HGF: variants seen among roughly 807,000 people sequenced by gnomAD.
HGF encodes the protein fibroblast-derived tumor cytotoxic factor.
In HGF, 39 loss-of-function variants were observed where a neutral mutation model predicts 111.6. The observed-to-expected ratio is 0.35, with a 90% confidence interval of 0.27 to 0.46. HGF has a LOEUF of 0.46. Among genes scored for constraint, HGF ranks in the 20% least tolerant of loss-of-function variants. The pLI is 1.00. For synonymous variants in HGF, 285 were observed against 294.8 expected (o/e 0.97, Z 0.34); for missense variants, 735 against 910.5 (o/e 0.81, Z 2.48).
rs1043322311 is a variant in HGF, at chr7:81,701,795, C to A, written c.*786G>T. The A allele has an allele frequency of 6.6e-6, 1 of 151,650 alleles. No individual in the cohort carries two copies. Among genetic ancestry groups the A allele is most frequent in the Non-Finnish European group, 1.5e-5 (1 of 67,716 alleles). The allele number at this position is 151,650 out of a possible 1,614,324, so 9.4% of individuals were successfully genotyped here. A position where few individuals can be genotyped will look rare whatever the true frequency, so the allele number is the denominator to read the frequency against. ...AACACCTAGATTAGGTGTTATTTAA[C>A]TCTGGGTGATGGCCACACCTGAAAT... On this transcript the variant is annotated 3_prime_UTR_variant, in exon 18 of 18. Coordinates refer to ENST00000222390, the MANE Select transcript of HGF (RefSeq NM_000601.6).
At chr7:81,748,723 A>G (rs1788374173) in intron 5 of HGF, among the ~76,000 whole-genome samples, 1 of 151,992 alleles carries the variant, frequency 6.6e-6, no homozygotes, top group South Asian at 2.1e-4. Flanking sequence ...ATAGATCACA[A>G]AAACTCACAG....
At position 81,702,585 on chromosome 7, in the gene HGF, G is replaced by T. The variant is rs747516423; in HGVS notation, c.2183C>A (p.Ser728Ter). Reference sequence around the variant, plus strand: ...CTTCAGACACACTTACTTCAGCTATGACTGTGGTACCTTATATGTTAAAAT... The same window carrying T: ...CTTCAGACACACTTACTTCAGCTATTACTGTGGTACCTTATATGTTAAAAT... ...KIILTYKVPQ[S>*] The change falls in exon 18 of 18, where the codon TCA (serine) becomes TAA (stop). Residue 728 changes from serine to a stop codon, truncating the protein, a stop_gained. Coordinates refer to ENST00000222390, the MANE Select transcript of HGF (RefSeq NM_000601.6). LOFTEE classifies it high-confidence loss of function. 18 of 1,609,078 alleles carry T rather than the reference G, an allele frequency of 1.1e-5. No homozygotes were observed. Among genetic ancestry groups the T allele is most frequent in the Non-Finnish European group, 1.4e-5 (16 of 1,176,360 alleles).
chr7:81,702,313 CTG>C lies in HGF; in HGVS notation c.*266_*267del, dbSNP rs763357973. On this transcript the variant is annotated 3_prime_UTR_variant, in exon 18 of 18. Coordinates refer to ENST00000222390, the MANE Select transcript of HGF (RefSeq NM_000601.6). The stretch of plus-strand genomic sequence containing the variant: ...AATCTTTATCATCCAGCAAATATAC[CTG>C]TGTGTTTTTTTAATCCATTCAAGTA... 1.3e-4 allele frequency: 47 copies of C among 364,538 alleles called. No individual in the cohort carries two copies. The highest frequency in any genetic ancestry group is 1.8e-4 in the Non-Finnish European group (36 of 199,816). 22.6% of individuals were successfully genotyped at this position (364,538 alleles called of 1,614,324 possible). A position where few individuals can be genotyped will look rare whatever the true frequency, so the allele number is the denominator to read the frequency against.
At position 81,729,913 on chromosome 7, in the gene HGF, G is replaced by A. The variant is rs940095710; in HGVS notation, c.866-134C>T. On this transcript the variant is annotated intron_variant, in intron 7 of 17. Coordinates refer to ENST00000222390, the MANE Select transcript of HGF (RefSeq NM_000601.6). ...ACTTATAAGCTTTTATAATAATTGAGTGGAATAAGAAATTTAACTTAACAT... is the reference window on the plus strand; with the variant it reads ...ACTTATAAGCTTTTATAATAATTGAATGGAATAAGAAATTTAACTTAACAT... 53 of 678,518 alleles carry A rather than the reference G, an allele frequency of 7.8e-5. No homozygotes were observed. In the African/African-American group the frequency reaches 8.9e-4, roughly 11 times the overall value. 42.0% of individuals were successfully genotyped at this position (678,518 alleles called of 1,614,324 possible). A position where few individuals can be genotyped will look rare whatever the true frequency, so the allele number is the denominator to read the frequency against.
chr7:81,751,308 TAG>T, intron 5 of HGF: 4 of 985,208 alleles, frequency 4.1e-6, no homozygotes, highest in Non-Finnish European at 4.8e-6. Context: ...TTTGGAAATT[TAG>T]AGTTTCTGAC....
At chr7:81,725,579 C>A (rs1014787590) in intron 9 of HGF, among the ~76,000 whole-genome samples, 1 of 152,142 alleles carries the variant, frequency 6.6e-6, no homozygotes, top group Non-Finnish European at 1.5e-5. Flanking sequence ...GTAATATTCC[C>A]ATTCTCATTT....
intron 15 of HGF, among the ~76,000 whole-genome samples, chr7:81,706,062 T>A (rs972551825): frequency 6.6e-6 from 1 of 151,968 alleles, no homozygotes; most frequent in Non-Finnish European, 1.5e-5. Flanking sequence ...CTGATCAGAC[T>A]GTTGGCCCAA....
intron 6 of HGF, 71 bp from the exon 7 acceptor site, chr7:81,743,542 A>G: frequency 1.0e-6 from 1 of 982,276 alleles, no homozygotes; most frequent in African/African-American, 1.6e-5. Context: ...AGCTCACAAA[A>G]TAACTTTCCA....
At chr7:81,742,795 G>A in intron 7 of HGF, 1 of 1,544,430 alleles carries the variant, frequency 6.5e-7, no homozygotes, top group South Asian at 1.2e-5. Context: ...GAAACAGAAT[G>A]CAGGCTGGGT....
chr7:81,726,051 G>A (rs753786457), intron 8 of HGF, 34 bp from the exon 9 acceptor site: 12 of 1,611,204 alleles, frequency 7.4e-6, no homozygotes, highest in Admixed American at 1.7e-5. Context: ...GTAAATTGCC[G>A]GAGTTCTTAC....
intron 7 of HGF, among the ~76,000 whole-genome samples, chr7:81,741,612 T>A (rs906333849): frequency 6.6e-6 from 1 of 150,810 alleles, no homozygotes; most frequent in Admixed American, 6.6e-5. Flanking sequence ...TGTGTGTGTG[T>A]GTATAGGTTT....
intron 7 of HGF, among the ~76,000 whole-genome samples, chr7:81,732,252 C>T (rs1467970830): frequency 6.6e-6 from 1 of 152,050 alleles, no homozygotes; most frequent in African/African-American, 2.4e-5. Context: ...TATGATTTGC[C>T]AGATACCAAT....
chr7:81,741,196 C>A (rs1787989121), intron 7 of HGF, among the ~76,000 whole-genome samples: 1 of 152,092 alleles, frequency 6.6e-6, no homozygotes, highest in South Asian at 2.1e-4. Flanking sequence ...TAAAAGCTAT[C>A]CTTTAATAAA....
At position 81,700,517 on chromosome 7, in the gene HGF, T is replaced by G. The variant is rs1339459536; in HGVS notation, c.*2064A>C. On this transcript the variant is annotated 3_prime_UTR_variant, in exon 18 of 18. Transcript: ENST00000222390. The stretch of plus-strand genomic sequence containing the variant: ...TTTAGAGGAAGAGTCATTAAAGAAG[T>G]ATTTTTAAAATGTGAGTATTTAAAA... The G allele has an allele frequency of 6.6e-6, 1 of 151,706 alleles. No homozygotes were observed. Among genetic ancestry groups the G allele is most frequent in the Non-Finnish European group, 1.5e-5 (1 of 67,724 alleles). The allele number at this position is 151,706 out of a possible 1,614,324, so 9.4% of individuals were successfully genotyped here.
At chr7:81,721,429 G>A (rs1043885745) in intron 9 of HGF, among the ~76,000 whole-genome samples, 1 of 152,040 alleles carries the variant, frequency 6.6e-6, no homozygotes, top group African/African-American at 2.4e-5. Context: ...GTGGCCCTTT[G>A]GAACAACAAA....
Position 81,738,374 on chromosome 7 carries a change from A to G in HGF, c.865+4979T>C, listed in dbSNP as rs1333361593. On this transcript the variant is annotated intron_variant, in intron 7 of 17. Coordinates refer to ENST00000222390, the MANE Select transcript of HGF (RefSeq NM_000601.6). ...AAAATCAGTACTTCATTCAAGCACT[A>G]TGCAGGACTTCCAATTTTATTACAT... is the stretch of plus-strand genomic sequence containing the variant. Among the ~76,000 whole-genome samples, 3 of 152,210 alleles carry G rather than the reference A, an allele frequency of 2.0e-5. No homozygotes were observed. In the East Asian group the frequency reaches 5.8e-4, roughly 29 times the overall value.
intron 1 of HGF, among the ~76,000 whole-genome samples, chr7:81,769,131 A>G (rs1014384128): frequency 1.3e-5 from 2 of 152,130 alleles, no homozygotes; most frequent in Non-Finnish European, 2.9e-5. Flanking sequence ...TTGCCCTGAT[A>G]ACAAGAGAAA....
rs962377885 is a variant in HGF, at chr7:81,742,784, C to T, written c.865+569G>A. 1.2e-5 allele frequency: 19 copies of T among 1,537,392 alleles called. No individual in the cohort carries two copies. In the African/African-American group the frequency reaches 1.6e-4, roughly 13 times the overall value. ...TTGTATGGACTGCTAAAAGACAGAT[C>T]GAAACAGAATGCAGGCTGGGTACAA... On this transcript the variant is annotated intron_variant, in intron 7 of 17. Transcript: ENST00000222390.
At chr7:81,767,112 T>C (rs762802952) in intron 1 of HGF, among the ~76,000 whole-genome samples, 3 of 152,160 alleles carry the variant, frequency 2.0e-5, no homozygotes, top group Non-Finnish European at 4.4e-5. Flanking sequence ...TCTTTTCATA[T>C]GGACTTCAGT....
Sources: allele counts gnomAD v4.1 joint callset (sites outside exome capture counted in the v4.1 genomes callset), GRCh38; gene constraint gnomAD v4.1.1; transcripts MANE v1.5; gene names NCBI Gene and HGNC (gene_info 2026-07-23, HGNC 2026-07-21).